TRIM14: variants seen among roughly 807,000 people sequenced by gnomAD.
TRIM14 encodes tripartite motif-containing protein 14.
Under a neutral mutation model 44.5 loss-of-function variants are expected in TRIM14, and 28 were observed. The observed-to-expected ratio is 0.63, with a 90% confidence interval of 0.47 to 0.86. TRIM14 has a LOEUF of 0.86. TRIM14 is among the 40% of genes least tolerant of loss of function. TRIM14 has a pLI of 0.00. For synonymous variants in TRIM14, 299 were observed against 269.2 expected (o/e 1.11, Z -1.08); for missense variants, 607 against 611.1 (o/e 0.99, Z 0.07).
chr9:98,104,148 C>T (rs912230696), intron 2 of TRIM14, among the ~76,000 whole-genome samples: 1 of 152,174 alleles, frequency 6.6e-6, no homozygotes, highest in African/African-American at 2.4e-5. Context: ...TTTAAGCTAG[C>T]CTGGGAATTA....
downstream of TRIM14, chr9:98,083,086 T>C: frequency 6.2e-7 from 1 of 1,602,926 alleles, no homozygotes; most frequent in Non-Finnish European, 8.5e-7. Flanking sequence ...AATTCTCAGT[T>C]CCCTTGCTGA....
intron 1 of TRIM14, among the ~76,000 whole-genome samples, chr9:98,113,113 CAAA>C (rs57908629): frequency 1.3e-4 from 5 of 39,260 alleles, no homozygotes; most frequent in South Asian, 9.2e-4. Context: ...AACTCCATCT[CAAA>C]AAAAAAAAAA....
At position 98,072,036 on chromosome 9, in the gene TRIM14, C is replaced by G. The variant is rs111750383; in HGVS notation, c.*29-2349G>C. Among the ~76,000 whole-genome samples, 496 of 152,288 alleles carry G rather than the reference C, an allele frequency of 3.3e-3. 2 individuals are homozygous for G. The highest frequency in any genetic ancestry group is 0.011 in the African/African-American group (477 of 41,552). On this transcript the variant is annotated intron_variant, in intron 6 of 6. Coordinates refer to the TRIM14 transcript ENST00000375098. ...TCCTTGGTTTTCCTTCCCTCTGCTC[C>G]CCAGGCAGCCCATTTGCTTGGTGTC...
In TRIM14 at chr9:98,116,322, A is replaced by G. The variant is rs909932000; in HGVS notation, c.207+2660T>C. On this transcript the variant is annotated intron_variant, in intron 1 of 5. Transcript: ENST00000341469. ...GTCTCAAAAAAAAAAAAAAAAAAAA[A>G]TCCTTGGAAAGACTGGACTAGCTTG... Among the ~76,000 whole-genome samples, 6 of 142,590 alleles carry G rather than the reference A, an allele frequency of 4.2e-5. No homozygotes were observed. The East Asian group carries it at 1.3e-3, about 31-fold the overall frequency. 93.5% of individuals were successfully genotyped at this position (142,590 alleles called of 152,430 possible). A position where few individuals can be genotyped will look rare whatever the true frequency, so the allele number is the denominator to read the frequency against.
the TRIM14 span, among the ~76,000 whole-genome samples, chr9:98,043,100 T>C: frequency 6.6e-6 from 1 of 152,146 alleles, no homozygotes; most frequent in Non-Finnish European, 1.5e-5. Context: ...ACCTCTTTTT[T>C]TCCCCCTATT....
chr9:98,059,286 G>A, the TRIM14 span, among the ~76,000 whole-genome samples: 58 of 152,342 alleles, frequency 3.8e-4, 2 homozygotes, highest in East Asian at 0.01. Flanking sequence ...GCCTCCCAGA[G>A]TGCTGGGATT....
chr9:98,087,985 C>T lies in TRIM14; in HGVS notation c.814G>A (p.Asp272Asn). ...AGGCGCGCGTGCATCGTGTCAGGAT[C>T]CAGCGTGGGCGTGCGCGCGTCTGCA... is the stretch of plus-strand genomic sequence containing the variant. ...LLKYARTPTL[D>N]PDTMHARLRL... Residue 272 changes from aspartate (D) to asparagine (N), a missense_variant, in exon 6 of 6, where the codon GAT becomes AAT. This residue lies in a region of TRIM14 where 356 missense variants were observed against 323.0 expected (regional missense o/e 1.10). Transcript: ENST00000341469. The T allele has an allele frequency of 6.4e-7, 1 of 1,553,888 alleles. No individual in the cohort carries two copies. Among genetic ancestry groups the T allele is most frequent in the Non-Finnish European group, 8.6e-7 (1 of 1,161,848 alleles).
chr9:98,107,245 A>G (rs1025153095), intron 2 of TRIM14, among the ~76,000 whole-genome samples: 3 of 152,210 alleles, frequency 2.0e-5, no homozygotes, highest in African/African-American at 7.2e-5. Context: ...TTAAAAAACA[A>G]AACAGGCAGG....
chr9:98,068,428 C>T (rs1829213458), downstream of TRIM14, among the ~76,000 whole-genome samples: 1 of 152,078 alleles, frequency 6.6e-6, no homozygotes, highest in Admixed American at 6.6e-5. Flanking sequence ...TGTCAGCCAC[C>T]TCACCAGCCA....
intron 5 of TRIM14, among the ~76,000 whole-genome samples, chr9:98,090,771 G>A (rs1316693794): frequency 2.0e-5 from 3 of 152,020 alleles, no homozygotes; most frequent in Non-Finnish European, 2.9e-5. Context: ...ACCATGTTGT[G>A]CAGGCTGGTC....
At chr9:98,082,727 A>T (rs577207082), downstream of TRIM14, 32 of 849,502 alleles carry the variant, frequency 3.8e-5, no homozygotes, top group East Asian at 2.9e-4. Flanking sequence ...GGGGCAACAG[A>T]GTGCCTGCTC....
the TRIM14 span, among the ~76,000 whole-genome samples, chr9:98,043,655 CACAG>C: frequency 2.4e-4 from 37 of 151,494 alleles, no homozygotes; most frequent in African/African-American, 8.5e-4. Flanking sequence ...CATACACACA[CACAG>C]AGAGAGATCC....
At chr9:98,104,407 C>T (rs979590773) in intron 2 of TRIM14, among the ~76,000 whole-genome samples, 2 of 152,130 alleles carry the variant, frequency 1.3e-5, no homozygotes, top group Non-Finnish European at 2.9e-5. Context: ...AGAAGCTTCA[C>T]GACGCTATAC....
At chr9:98,074,941 TG>T (rs1829516434) in intron 6 of TRIM14, 2 of 152,118 alleles carry the variant, frequency 1.3e-5, no homozygotes, top group Non-Finnish European at 2.9e-5. Flanking sequence ...TTAAAACTGA[TG>T]TTTTTTCAGT....
chr9:98,051,049 C>T, the TRIM14 span, among the ~76,000 whole-genome samples: 11 of 152,286 alleles, frequency 7.2e-5, no homozygotes, highest in African/African-American at 2.6e-4. Flanking sequence ...GCTGGGATTA[C>T]AGGAGTGAAC....
chr9:98,056,581 G>T, the TRIM14 span, among the ~76,000 whole-genome samples: 1 of 152,008 alleles, frequency 6.6e-6, no homozygotes, highest in African/African-American at 2.4e-5. Flanking sequence ...GAGCTTCCTC[G>T]ACCCGCCCCG....
rs199771092 is a variant in TRIM14 at position 98,100,096 on chromosome 9, T to C, written c.372A>G (p.Glu124=). Residue 124 remains glutamate (E), a synonymous_variant, in exon 3 of 6, where the codon GAA becomes GAG. Coordinates refer to ENST00000341469, the MANE Select transcript of TRIM14 (RefSeq NM_014788.4). ...TGAATTTCTTGGCCAGCGCTTCCTC[T>C]TCGTCAAGTAGTAATCTGAGTTCAG... ...KFTELRLLLD[E]EEALAKKFID... The C allele has an allele frequency of 6.2e-7, 1 of 1,614,224 alleles. No homozygotes were observed. The highest frequency in any genetic ancestry group is 1.3e-5 in the African/African-American group (1 of 75,052).
chr9:98,036,355 G>T, the TRIM14 span, among the ~76,000 whole-genome samples: 1 of 151,806 alleles, frequency 6.6e-6, no homozygotes, highest in Middle Eastern at 3.2e-3. Context: ...ACGAAAATTA[G>T]CCAGGCCTGG....
Position 98,115,408 on chromosome 9 carries a change from GC to G in TRIM14, c.207+3573del, listed in dbSNP as rs1450800542. On this transcript the variant is annotated intron_variant, in intron 1 of 5. Transcript: ENST00000341469. ...TGGGATTACAGGTGCCCACCACCAT[GC>G]CCAGCTAATTTTTGCATTCTTAGTA... Among the ~76,000 whole-genome samples, 4 of 152,246 alleles carry G rather than the reference GC, an allele frequency of 2.6e-5. No individual in the cohort carries two copies. The East Asian group carries it at 7.7e-4, about 29-fold the overall frequency.
Sources: gnomAD v4.1 joint callset for allele counts (sites outside exome capture counted in the v4.1 genomes callset) on GRCh38, gnomAD v4.1.1 for gene constraint, gnomAD v4.1.1 regional missense constraint, MANE v1.5 for transcripts, NCBI Gene and HGNC (gene_info 2026-07-23, HGNC 2026-07-21) for gene names.